Variants in TM6SF1 observed in about 807,000 individuals in gnomAD.
TM6SF1 encodes transmembrane 6 superfamily member 1.
A neutral mutation model predicts 47.1 loss-of-function variants in TM6SF1; 43 were observed. The observed-to-expected ratio is 0.91, with a 90% CI of 0.72 to 1.18. The LOEUF (loss-of-function observed/expected upper bound fraction) is 1.18, where lower values mean the gene tolerates loss of function less well. Among genes scored for constraint, TM6SF1 ranks in the 50% most tolerant of loss-of-function variants. The probability of loss-of-function intolerance (pLI) is 0.00; values close to 1 mark genes in which losing one functional copy is unlikely to be tolerated. For missense variants in TM6SF1, 390 were observed against 449.0 expected (o/e 0.87, Z 1.19); for synonymous variants, 177 against 166.3 (o/e 1.06, Z -0.49).
At chr15:83,109,494 A>C (rs2033952398) in intron 1 of TM6SF1, among the ~76,000 whole-genome samples, 1 of 152,276 alleles carries the variant, frequency 6.6e-6, no homozygotes, top group Admixed American at 6.5e-5. Context: ...TTGAATAATT[A>C]GTGTCAGCCA....
chr15:83,124,859 G>A, intron 7 of TM6SF1, 83 bp downstream of exon 7: 3 of 1,260,568 alleles, frequency 2.4e-6, no homozygotes, highest in Non-Finnish European at 3.4e-6. Context: ...ATATGTTTTT[G>A]TTTTTCCATC....
intron 9 of TM6SF1, chr15:83,133,635 T>A (rs1220795308): frequency 6.6e-6 from 1 of 152,248 alleles, no homozygotes; most frequent in African/African-American, 2.4e-5. Flanking sequence ...CTGGGCCTCC[T>A]GTTAATTCAG....
intron 9 of TM6SF1, chr15:83,131,217 C>T (rs2036219492): frequency 6.6e-6 from 1 of 152,146 alleles, no homozygotes; most frequent in Non-Finnish European, 1.5e-5. Context: ...ATCCCACTAA[C>T]TTTACTAAAA....
intron 3 of TM6SF1, among the ~76,000 whole-genome samples, chr15:83,117,601 T>C (rs1278647165): frequency 6.6e-6 from 1 of 151,714 alleles, no homozygotes; most frequent in Non-Finnish European, 1.5e-5. Context: ...ACGAGAGGGC[T>C]GGAGGCTGAG....
chr15:83,134,999 T>A (rs2036517210), intron 9 of TM6SF1: 1 of 152,188 alleles, frequency 6.6e-6, no homozygotes, highest in Non-Finnish European at 1.5e-5. Context: ...GGGTTCTGCC[T>A]GGGCATCTAC....
intron 9 of TM6SF1, 199 bp from the exon 10 acceptor site, chr15:83,136,282 C>T (rs1326789406): frequency 2.3e-6 from 1 of 436,476 alleles, no homozygotes; most frequent in Admixed American, 3.9e-5. Flanking sequence ...TCAAGAATGG[C>T]CCTAAATTTA....
intron 3 of TM6SF1, among the ~76,000 whole-genome samples, chr15:83,116,747 T>C (rs543572621): frequency 4.6e-5 from 7 of 151,970 alleles, no homozygotes; most frequent in African/African-American, 1.4e-4. Context: ...GCATGGGAAG[T>C]AGAGAGAGGG....
intron 3 of TM6SF1, among the ~76,000 whole-genome samples, chr15:83,118,599 C>T (rs2034917331): frequency 6.6e-6 from 1 of 152,172 alleles, no homozygotes; most frequent in Admixed American, 6.5e-5. Flanking sequence ...GATGACAGAG[C>T]AGTCCTTGCC....
At chr15:83,124,375 A>C (rs1335056023) in intron 6 of TM6SF1, among the ~76,000 whole-genome samples, 2 of 152,178 alleles carry the variant, frequency 1.3e-5, no homozygotes, top group African/African-American at 4.8e-5. Context: ...TGGCAGGTTT[A>C]TGGTTTACCT....
intron 1 of TM6SF1, among the ~76,000 whole-genome samples, chr15:83,108,398 A>G (rs563359959): frequency 6.6e-6 from 1 of 152,154 alleles, no homozygotes; most frequent in South Asian, 2.1e-4. Flanking sequence ...GGTTCCACCG[A>G]GACCTCTTTG....
chr15:83,124,163 T>C (rs2035520312), intron 6 of TM6SF1, among the ~76,000 whole-genome samples: 1 of 152,188 alleles, frequency 6.6e-6, no homozygotes, highest in African/African-American at 2.4e-5. Flanking sequence ...TGTGGGAAAG[T>C]GCTTATAATA....
intron 2 of TM6SF1, chr15:83,114,698 TTCTTA>T (rs2034497837): frequency 6.6e-6 from 1 of 152,344 alleles, no homozygotes; most frequent in Admixed American, 6.5e-5. Flanking sequence ...TTCACAGCTT[TTCTTA>T]TATTCACCAT....
At chr15:83,114,237 C>T (rs1488064956) in intron 2 of TM6SF1, 2 of 152,606 alleles carry the variant, frequency 1.3e-5, no homozygotes, top group Non-Finnish European at 2.9e-5. Flanking sequence ...GCTGGGCACC[C>T]TTTCTCCTGT....
Position 83,107,997 on chromosome 15 carries a change from C to T in TM6SF1, c.92+225C>T, listed in dbSNP as rs2033819846. 1.1e-6 allele frequency: 1 copy of T among 940,652 alleles called. No homozygotes were observed. The highest frequency in any genetic ancestry group is 1.4e-6 in the Non-Finnish European group (1 of 710,606). 58.3% of individuals were successfully genotyped at this position (940,652 alleles called of 1,614,324 possible). A position where few individuals can be genotyped will look rare whatever the true frequency, so the allele number is the denominator to read the frequency against. On this transcript the variant is annotated intron_variant, in intron 1 of 9. Transcript: ENST00000322019. The surrounding 1 kb of genome is among the most constrained non-coding windows in gnomAD (Gnocchi z 5.6). ...CTGAGGTGCCCAGGCTGGCGCATTT[C>T]GGGATGTTGGTGCCAGCACCGCGCC...
intron 9 of TM6SF1, chr15:83,131,255 C>T (rs1468411771): frequency 6.6e-6 from 1 of 152,118 alleles, no homozygotes; most frequent in Non-Finnish European, 1.5e-5. Context: ...ATCTAGTAAA[C>T]TCTCAAGAAT....
chr15:83,122,929 T>G (rs767136800), intron 6 of TM6SF1, 51 bp downstream of exon 6: 3 of 1,603,352 alleles, frequency 1.9e-6, no homozygotes, highest in Non-Finnish European at 2.6e-6. Flanking sequence ...ATAGGGTTCT[T>G]TCGCATCCAC....
At chr15:83,112,492 G>A (rs1025445309) in intron 1 of TM6SF1, among the ~76,000 whole-genome samples, 1 of 152,144 alleles carries the variant, frequency 6.6e-6, no homozygotes, top group South Asian at 2.1e-4. Context: ...GTGGCCATAG[G>A]TGCAGCAGGG....
rs560692102 is a variant in TM6SF1, at chr15:83,113,067, C to T, written c.196+167C>T. 2.5e-5 allele frequency: 16 copies of T among 634,476 alleles called. No individual in the cohort carries two copies. In the East Asian group the frequency reaches 4.1e-4, roughly 16 times the overall value. 39.3% of individuals were successfully genotyped at this position (634,476 alleles called of 1,614,324 possible). A position where few individuals can be genotyped will look rare whatever the true frequency, so the allele number is the denominator to read the frequency against. ...TCTGGCCCTCGCCTCTGGCTATTGC[C>T]TCTCAGGCAGTGGACTCCACCCTCT... On this transcript the variant is annotated intron_variant, in intron 2 of 9. Coordinates refer to ENST00000322019, the MANE Select transcript of TM6SF1 (RefSeq NM_023003.5).
chr15:83,127,497 GAGA>G lies in TM6SF1; in HGVS notation c.921+23_921+25del, dbSNP rs769824986. Reference sequence around the variant, plus strand: ...GCTCAGGTACTAAGAATATTCTGTTGAGAAGGTTTACTTGTGGTCTAGGTGTCA... The same window carrying G: ...GCTCAGGTACTAAGAATATTCTGTTGAGGTTTACTTGTGGTCTAGGTGTCA... On this transcript the variant is annotated intron_variant, in intron 9 of 9. Coordinates refer to ENST00000322019, the MANE Select transcript of TM6SF1 (RefSeq NM_023003.5). 1.6e-5 allele frequency: 25 copies of G among 1,612,242 alleles called. No individual in the cohort carries two copies. The highest frequency in any genetic ancestry group is 2.0e-5 in the Non-Finnish European group (24 of 1,179,302).
Sources: gnomAD v4.1 joint callset for allele counts (sites outside exome capture counted in the v4.1 genomes callset) on GRCh38, gnomAD v4.1.1 for gene constraint, Gnocchi (gnomAD v3.1) non-coding constraint, MANE v1.5 for transcripts, NCBI Gene and HGNC (gene_info 2026-07-23, HGNC 2026-07-21) for gene names.